ZNF26: variants seen among roughly 807,000 people sequenced by gnomAD.
The protein encoded by ZNF26 is epididymis luminal protein 179.
Under a neutral mutation model 54.9 loss-of-function variants are expected in ZNF26, and 32 were observed. The ratio of observed to expected loss-of-function variants is 0.58; its 90% confidence interval spans 0.44 to 0.78. The LOEUF (loss-of-function observed/expected upper bound fraction) is 0.78. ZNF26 is among the 30% of genes least tolerant of loss of function. The pLI, the probability that ZNF26 is intolerant of heterozygous loss-of-function variation, is 0.00. For missense variants in ZNF26, 524 were observed against 634.0 expected (o/e 0.83, Z 1.86); for synonymous variants, 221 against 209.2 (o/e 1.06, Z -0.49).
rs963685993 is a variant in ZNF26 at position 133,017,812 on chromosome 12, A to G, written c.*6331A>G. 2.0e-5 allele frequency: 3 copies of G among 152,264 alleles called. No individual in the cohort carries two copies. Among genetic ancestry groups the G allele is most frequent in the Admixed American group, 2.0e-4 (3 of 15,280 alleles). The allele number at this position is 152,264 out of a possible 1,614,324, so 9.4% of individuals were successfully genotyped here. ...ATCACAAGGTCTGGAGGTCAAGACC[A>G]TCCTCACTAACATGGTGAAACCCCA... On this transcript the variant is annotated 3_prime_UTR_variant, in exon 4 of 4. Transcript: ENST00000328654.
At chr12:132,988,158 G>A (rs1244398921) in intron 1 of ZNF26, among the ~76,000 whole-genome samples, 1 of 152,030 alleles carries the variant, frequency 6.6e-6, no homozygotes, top group Non-Finnish European at 1.5e-5. Flanking sequence ...ACAGGCACAT[G>A]CCACCCAGTC....
In ZNF26 at chr12:133,001,612, CT is replaced by C. The variant is rs1593654150; in HGVS notation, c.34-5429del. 3 of 1,278,308 alleles carry C rather than the reference CT, an allele frequency of 2.3e-6. No individual in the cohort carries two copies. The East Asian group carries it at 1.7e-4, about 71-fold the overall frequency. 79.2% of individuals were successfully genotyped at this position (1,278,308 alleles called of 1,614,324 possible). On this transcript the variant is annotated intron_variant, in intron 1 of 3. Transcript: ENST00000328654. The surrounding 1 kb of genome is among the most constrained non-coding windows in gnomAD (Gnocchi z 4.7). The stretch of plus-strand genomic sequence containing the variant: ...AGAAGTCCACTCACTGCCTCTTCCC[CT>C]GGGGTCTCCCTCCCTGCAGGTAGTG...
chr12:132,989,915 T>C (rs1850993606), intron 1 of ZNF26, among the ~76,000 whole-genome samples: 2 of 152,224 alleles, frequency 1.3e-5, no homozygotes, highest in South Asian at 4.1e-4. Flanking sequence ...AGATATTCTC[T>C]ATCAAGTTGA....
intron 1 of ZNF26, among the ~76,000 whole-genome samples, chr12:133,003,077 C>G (rs960614575): frequency 1.3e-5 from 2 of 152,228 alleles, no homozygotes; most frequent in Middle Eastern, 3.4e-3. Flanking sequence ...TCATTCTCAT[C>G]ATGCAGGATG....
intron 1 of ZNF26, among the ~76,000 whole-genome samples, chr12:132,994,349 G>A (rs1226810053): frequency 6.6e-6 from 1 of 152,214 alleles, no homozygotes; most frequent in Non-Finnish European, 1.5e-5. Context: ...TCTAAGAAGA[G>A]TTGTTGATTT....
chr12:133,026,063 A>G lies in ZNF26; in HGVS notation c.*14582A>G, dbSNP rs1478295069. On this transcript the variant is annotated 3_prime_UTR_variant, in exon 4 of 4. Coordinates refer to ENST00000328654, the MANE Select transcript of ZNF26 (RefSeq NM_019591.4). ...TAGAAAAAGCTGCCTAGCTGAGCCT[A>G]TCTTGAATTTCTGACCCAGGAAACT... 6 of 151,818 alleles carry G rather than the reference A, an allele frequency of 4.0e-5. No individual in the cohort carries two copies. The highest frequency in any genetic ancestry group is 1.5e-4 in the African/African-American group (6 of 41,308). 9.4% of individuals were successfully genotyped at this position (151,818 alleles called of 1,614,324 possible).
intron 1 of ZNF26, among the ~76,000 whole-genome samples, chr12:132,994,970 A>G (rs954550926): frequency 3.3e-5 from 5 of 152,134 alleles, no homozygotes; most frequent in Non-Finnish European, 7.4e-5. Context: ...GACATTGTCA[A>G]ATGCCCCCGG....
At chr12:132,995,515 C>T (rs1162875866) in intron 1 of ZNF26, among the ~76,000 whole-genome samples, 4 of 151,926 alleles carry the variant, frequency 2.6e-5, no homozygotes, top group Admixed American at 1.3e-4. Flanking sequence ...TTGCTAACAT[C>T]ATCTGGATCA....
chr12:133,008,673 G>A (rs2137255438), intron 3 of ZNF26, among the ~76,000 whole-genome samples: 1 of 151,780 alleles, frequency 6.6e-6, no homozygotes, highest in East Asian at 1.9e-4. Flanking sequence ...CTACTCAGGA[G>A]GCTGAGGCAG....
Position 133,026,322 on chromosome 12 carries a change from AACTCCTGACCT to A in ZNF26, c.*14842_*14852del, listed in dbSNP as rs1217206044. On this transcript the variant is annotated 3_prime_UTR_variant, in exon 4 of 4. Transcript: ENST00000328654. ...CACCATCTTGGGCAGGCTGGTCTTG[AACTCCTGACCT>A]CATGATCCACCTGCCTCGGCCTCCC... 4.6e-5 allele frequency: 7 copies of A among 151,990 alleles called. No homozygotes were observed. Among genetic ancestry groups the A allele is most frequent in the African/African-American group, 1.7e-4 (7 of 41,434 alleles). The allele number at this position is 151,990 out of a possible 1,614,324, so 9.4% of individuals were successfully genotyped here. A position where few individuals can be genotyped will look rare whatever the true frequency, so the allele number is the denominator to read the frequency against.
At position 133,010,293 on chromosome 12, in the gene ZNF26, C is replaced by T. The variant is rs976566106; in HGVS notation, c.414C>T (p.Asn138=). The change falls in exon 4 of 4, where the codon AAC becomes AAT. Residue 138 remains asparagine (N), a synonymous_variant. Transcript: ENST00000328654. ...YNTRGKSLTQ[N]SAPSRSYLRK... ...CACGTGGAAAAAGTTTGACACAAAACTCAGCTCCAAGCAGAAGTTATTTAA... is the reference window on the plus strand; with the variant it reads ...CACGTGGAAAAAGTTTGACACAAAATTCAGCTCCAAGCAGAAGTTATTTAA... The T allele has an allele frequency of 7.4e-6, 12 of 1,613,742 alleles. No homozygotes were observed. The highest frequency in any genetic ancestry group is 1.0e-5 in the Non-Finnish European group (12 of 1,180,004).
Position 133,019,058 on chromosome 12 carries a change from C to G in ZNF26, c.*7577C>G, listed in dbSNP as rs1953603979. The stretch of plus-strand genomic sequence containing the variant: ...AAAGATATAAAACGCAAACAGCAAC[C>G]ATAATAAATCTCCAGTGGCTTTCTA... On this transcript the variant is annotated 3_prime_UTR_variant, in exon 4 of 4. Coordinates refer to ENST00000328654, the MANE Select transcript of ZNF26 (RefSeq NM_019591.4). The G allele has an allele frequency of 6.6e-6, 1 of 152,182 alleles. No individual in the cohort carries two copies. Among genetic ancestry groups the G allele is most frequent in the South Asian group, 2.1e-4 (1 of 4,816 alleles). 9.4% of individuals were successfully genotyped at this position (152,182 alleles called of 1,614,324 possible).
intron 1 of ZNF26, among the ~76,000 whole-genome samples, chr12:133,003,939 T>G (rs1184717770): frequency 6.6e-6 from 1 of 152,222 alleles, no homozygotes; most frequent in Admixed American, 6.5e-5. Flanking sequence ...TGAGTTAAAC[T>G]GATGTAAAAA....
rs1226694507 is a variant in ZNF26 at position 133,010,488 on chromosome 12, A to G, written c.609A>G (p.Glu203=). 1.2e-6 allele frequency: 2 copies of G among 1,613,998 alleles called. No homozygotes were observed. Among genetic ancestry groups the G allele is most frequent in the African/African-American group, 1.3e-5 (1 of 74,908 alleles). ...TTCATACAGGAGAGAGACCTTATGA[A>G]TGCAGTAAATGTGAAAGAGCCTTCA... ...LRIHTGERPY[E]CSKCERAFSA... is the part of the protein sequence containing the mutation. Residue 203 remains glutamate, a synonymous_variant, in exon 4 of 4, where the codon GAA becomes GAG. Coordinates refer to ENST00000328654, the MANE Select transcript of ZNF26 (RefSeq NM_019591.4).
At chr12:133,009,989 T>A (rs1041176819) in intron 3 of ZNF26, 147 bp from the exon 4 acceptor site, 2 of 804,914 alleles carry the variant, frequency 2.5e-6, no homozygotes, top group African/African-American at 3.5e-5. Context: ...CTTGCCCCCA[T>A]GCTTGGCCAG....
chr12:132,996,344 A>C lies in ZNF26; in HGVS notation c.33+9471A>C, dbSNP rs1034798957. 7.2e-5 allele frequency among the ~76,000 whole-genome samples: 11 copies of C among 152,350 alleles called. 1 individual carries two copies. The East Asian group carries it at 2.1e-3, about 29-fold the overall frequency. On this transcript the variant is annotated intron_variant, in intron 1 of 3. Coordinates refer to ENST00000328654, the MANE Select transcript of ZNF26 (RefSeq NM_019591.4). ...TGTTCTCAAGCTGAGCAAATGGCCC[A>C]GCGAGGTAACAGCCAGCAATTTTAG...
intron 1 of ZNF26, among the ~76,000 whole-genome samples, chr12:132,996,262 C>T (rs1401994001): frequency 3.3e-5 from 5 of 152,172 alleles, no homozygotes; most frequent in African/African-American, 1.2e-4. Context: ...TCAAAACCTT[C>T]ACTGGTTTCT....
rs559904678 is a variant in ZNF26 at position 133,014,527 on chromosome 12, G to GT, written c.*3057dup. The GT allele has an allele frequency of 0.027, 3,988 of 147,214 alleles. 61 individuals carry two copies. Among genetic ancestry groups the GT allele is most frequent in the South Asian group, 0.06 (278 of 4,654 alleles). 9.1% of individuals were successfully genotyped at this position (147,214 alleles called of 1,614,324 possible). A position where few individuals can be genotyped will look rare whatever the true frequency, so the allele number is the denominator to read the frequency against. ...AGCAGTGATGATGGTTTTGCTTTCTGTTTTTTTTTTTGTTTTGTTTTGTTT... is the reference window on the plus strand; with the variant it reads ...AGCAGTGATGATGGTTTTGCTTTCTGTTTTTTTTTTTTGTTTTGTTTTGTTT... On this transcript the variant is annotated 3_prime_UTR_variant, in exon 4 of 4. Transcript: ENST00000328654.
intron 1 of ZNF26, among the ~76,000 whole-genome samples, chr12:132,998,685 G>A (rs1487025713): frequency 6.6e-6 from 1 of 152,150 alleles, no homozygotes; most frequent in South Asian, 2.1e-4. Flanking sequence ...GGTACCAGGC[G>A]AGTCTTTCCA....
Sources: gnomAD v4.1 joint callset for allele counts (sites outside exome capture counted in the v4.1 genomes callset) on GRCh38, gnomAD v4.1.1 for gene constraint, Gnocchi (gnomAD v3.1) non-coding constraint, MANE v1.5 for transcripts, NCBI Gene and HGNC (gene_info 2026-07-23, HGNC 2026-07-21) for gene names.